Variants in TAOK3 observed in about 807,000 individuals in gnomAD.
TAOK3 encodes serine/threonine-protein kinase TAO3.
A neutral mutation model predicts 120.4 loss-of-function variants in TAOK3; 40 were observed. The ratio of observed to expected loss-of-function variants is 0.33; its 90% CI spans 0.26 to 0.43. TAOK3 has a LOEUF of 0.43. Ranked by LOEUF, TAOK3 falls within the 20% of genes least tolerant of loss-of-function variation. TAOK3 has a pLI of 1.00. For missense variants in TAOK3, 821 were observed against 1,112.1 expected, an observed-to-expected ratio of 0.74 and a Z score of 3.72; for synonymous variants, 355 against 387.5, an observed-to-expected ratio of 0.92 and a Z score of 0.99.
At chr12:118,195,752 A>C (rs1471848111) in intron 13 of TAOK3, among the ~76,000 whole-genome samples, 1 of 152,176 alleles carries the variant, frequency 6.6e-6, no homozygotes, top group Admixed American at 6.5e-5. Context: ...TTCTTGCTCA[A>C]AAAGAAGACT....
intron 1 of TAOK3, among the ~76,000 whole-genome samples, chr12:118,305,549 A>G (rs966624253): frequency 3.3e-5 from 5 of 152,188 alleles, no homozygotes; most frequent in Non-Finnish European, 7.3e-5. Flanking sequence ...GATATTCTAT[A>G]GAGAACATAT....
chr12:118,328,866 T>C (rs1489403679), intron 1 of TAOK3, among the ~76,000 whole-genome samples: 2 of 152,218 alleles, frequency 1.3e-5, no homozygotes, highest in Non-Finnish European at 2.9e-5. Flanking sequence ...GAAAGAAATA[T>C]GAAAGTAAGT....
chr12:118,187,429 T>G (rs1202523587), intron 14 of TAOK3, among the ~76,000 whole-genome samples: 2 of 152,190 alleles, frequency 1.3e-5, no homozygotes, highest in South Asian at 4.1e-4. Flanking sequence ...AAATATTTTA[T>G]GATATTCCAG....
intron 9 of TAOK3, among the ~76,000 whole-genome samples, chr12:118,228,005 T>G (rs1387032792): frequency 6.6e-6 from 1 of 152,206 alleles, no homozygotes; most frequent in African/African-American, 2.4e-5. Context: ...AGATTTATTA[T>G]AATCTTGTCA....
At chr12:118,269,856 A>G (rs191166062) in intron 1 of TAOK3, among the ~76,000 whole-genome samples, 3 of 152,290 alleles carry the variant, frequency 2.0e-5, no homozygotes, top group African/African-American at 7.2e-5. Flanking sequence ...AGTATTCCTG[A>G]AGTTCATCCA....
chr12:118,345,559 C>T (rs1381448639), intron 1 of TAOK3, among the ~76,000 whole-genome samples: 1 of 152,234 alleles, frequency 6.6e-6, no homozygotes, highest in East Asian at 1.9e-4. Flanking sequence ...TGCTTTCAAG[C>T]CCTGGCTGCT....
At position 118,198,575 on chromosome 12, in the gene TAOK3, C is replaced by T. The variant is rs558306427; in HGVS notation, c.1194+476G>A. 7.7e-4 allele frequency: 128 copies of T among 167,238 alleles called. 1 individual carries two copies. The highest frequency in any genetic ancestry group is 1.9e-3 in the Admixed American group (33 of 17,612). The allele number at this position is 167,238 out of a possible 1,614,324, so 10.4% of individuals were successfully genotyped here. On this transcript the variant is annotated intron_variant, in intron 13 of 20. Transcript: ENST00000392533. ...CTATTTTTTGTATTTTTAGTAAAGA[C>T]GGGGTTTCGCCATGTTGGCCAGGCT...
At chr12:118,293,147 A>G (rs2042545989) in intron 1 of TAOK3, among the ~76,000 whole-genome samples, 1 of 152,236 alleles carries the variant, frequency 6.6e-6, no homozygotes, top group Non-Finnish European at 1.5e-5. Flanking sequence ...GCCTTTTTCA[A>G]AAGTATATGA....
chr12:118,352,639 TGACA>T (rs2141236562), intron 1 of TAOK3, among the ~76,000 whole-genome samples: 1 of 152,288 alleles, frequency 6.6e-6, no homozygotes. Flanking sequence ...GTAAATGAGG[TGACA>T]GACTGGACCC....
intron 1 of TAOK3, among the ~76,000 whole-genome samples, chr12:118,365,437 C>T (rs939552103): frequency 6.6e-6 from 1 of 151,230 alleles, no homozygotes; most frequent in Non-Finnish European, 1.5e-5. Context: ...GGGGCGGGGG[C>T]GGTGTTTCAC....
intron 1 of TAOK3, among the ~76,000 whole-genome samples, chr12:118,301,577 G>C (rs2042880600): frequency 6.6e-6 from 1 of 152,122 alleles, no homozygotes; most frequent in African/African-American, 2.4e-5. Context: ...TGGGCACGGT[G>C]GCTCACTCCT....
chr12:118,153,977 A>G (rs115725889), intron 19 of TAOK3, among the ~76,000 whole-genome samples: 1,963 of 152,312 alleles, frequency 0.013, 42 homozygotes, highest in African/African-American at 0.044. Flanking sequence ...ACCCTTAAAG[A>G]GGACAGACAG....
chr12:118,241,892 C>T (rs2040266750), intron 5 of TAOK3, among the ~76,000 whole-genome samples: 1 of 152,014 alleles, frequency 6.6e-6, no homozygotes, highest in Admixed American at 6.6e-5. Flanking sequence ...GGGCGGATCA[C>T]CTGAGGTCGG....
At chr12:118,163,835 C>T (rs1330732025) in intron 17 of TAOK3, among the ~76,000 whole-genome samples, 7 of 152,062 alleles carry the variant, frequency 4.6e-5, no homozygotes, top group Admixed American at 4.6e-4. Context: ...CCTCAACCTC[C>T]AGAGTAGCTT....
chr12:118,287,981 G>A (rs1421243404), intron 1 of TAOK3, among the ~76,000 whole-genome samples: 2 of 151,392 alleles, frequency 1.3e-5, no homozygotes, highest in African/African-American at 2.4e-5. Flanking sequence ...AACAGAACAT[G>A]CAGAAATAAA....
At chr12:118,256,309 G>C (rs2040986676) in intron 2 of TAOK3, among the ~76,000 whole-genome samples, 1 of 152,158 alleles carries the variant, frequency 6.6e-6, no homozygotes, top group South Asian at 2.1e-4. Flanking sequence ...CTCCAACACT[G>C]CTGGTAGCTG....
intron 1 of TAOK3, among the ~76,000 whole-genome samples, chr12:118,307,509 A>G (rs960250781): frequency 2.6e-5 from 4 of 152,202 alleles, no homozygotes; most frequent in Admixed American, 6.5e-5. Context: ...AAAGAGAACC[A>G]TAACTGGAAA....
chr12:118,309,939 TC>T (rs760053809), intron 1 of TAOK3, among the ~76,000 whole-genome samples: 30 of 151,988 alleles, frequency 2.0e-4, no homozygotes, highest in Non-Finnish European at 4.1e-4. Context: ...TCTTATTCTT[TC>T]CCCCCATAGG....
intron 1 of TAOK3, chr12:118,359,212 C>T (rs908459782): frequency 2.0e-5 from 3 of 152,176 alleles, no homozygotes; most frequent in African/African-American, 7.2e-5. Flanking sequence ...ATTTATACAG[C>T]TTTGCATTTC....
Sources: gnomAD v4.1 joint callset for allele counts (sites outside exome capture counted in the v4.1 genomes callset) on GRCh38, gnomAD v4.1.1 for gene constraint, MANE v1.5 for transcripts, NCBI Gene and HGNC (gene_info 2026-07-23, HGNC 2026-07-21) for gene names.